Variants in NGFR observed in about 807,000 individuals in gnomAD.
NGFR encodes nerve growth factor receptor, also known as tumor necrosis factor receptor superfamily member 16.
NGFR carries 30 observed loss-of-function variants against 43.2 expected under a neutral mutation model. The observed-to-expected ratio is 0.69, with a 90% confidence interval of 0.52 to 0.94. NGFR has a LOEUF of 0.94. Among genes scored for constraint, NGFR ranks in the 40% least tolerant of loss-of-function variants. The pLI is 0.00. For synonymous variants in NGFR, 246 were observed against 259.6 expected, an observed-to-expected ratio of 0.95 and a Z score of 0.50; for missense variants, 529 against 602.5, an observed-to-expected ratio of 0.88 and a Z score of 1.28.
intron 1 of NGFR, chr17:49,497,211 C>G (rs1419956794): frequency 6.6e-6 from 1 of 152,290 alleles, no homozygotes; most frequent in East Asian, 1.9e-4. Context: ...GGCGGTAGAG[C>G]CTGCGGGTGA....
chr17:49,498,410 A>G (rs1246146080), intron 1 of NGFR, among the ~76,000 whole-genome samples: 1 of 152,172 alleles, frequency 6.6e-6, no homozygotes, highest in Non-Finnish European at 1.5e-5. Context: ...GGTATGTGCC[A>G]GTGCCTCCCC....
intron 3 of NGFR, among the ~76,000 whole-genome samples, chr17:49,509,682 A>G (rs1191179946): frequency 6.6e-6 from 1 of 152,142 alleles, no homozygotes; most frequent in East Asian, 1.9e-4. Flanking sequence ...GGGCTACCTG[A>G]TGCTGTCATC....
At chr17:49,504,087 A>G (rs8071230) in intron 2 of NGFR, among the ~76,000 whole-genome samples, 6,468 of 152,078 alleles carry the variant, frequency 0.043, 470 homozygotes, top group African/African-American at 0.15. Flanking sequence ...TGCCTTTACA[A>G]GCCCACTTTA....
chr17:49,510,836 G>GA (rs2071227251), intron 4 of NGFR, 172 bp downstream of exon 4: 1 of 754,352 alleles, frequency 1.3e-6, no homozygotes, highest in East Asian at 2.7e-5. Flanking sequence ...AGCAGGAGGT[G>GA]AGGGGAGAGG....
rs2071228851 is a variant in NGFR, at chr17:49,511,005, C to G, written c.821+341C>G. On this transcript the variant is annotated intron_variant, in intron 4 of 5. Coordinates refer to ENST00000172229, the MANE Select transcript of NGFR (RefSeq NM_002507.4). Reference sequence around the variant, plus strand: ...CACCTGCGTGTGCATATGTCTCTTCCCCTTCGCTTGTCACACTGGGAATGC... The same window carrying G: ...CACCTGCGTGTGCATATGTCTCTTCGCCTTCGCTTGTCACACTGGGAATGC... The G allele has an allele frequency of 1.3e-5, 3 of 236,786 alleles. No homozygotes were observed. The South Asian group carries it at 3.1e-4, about 25-fold the overall frequency. The allele number at this position is 236,786 out of a possible 1,614,324, so 14.7% of individuals were successfully genotyped here. A position where few individuals can be genotyped will look rare whatever the true frequency, so the allele number is the denominator to read the frequency against.
intron 4 of NGFR, 102 bp downstream of exon 4, chr17:49,510,766 C>T (rs2071226667): frequency 3.4e-6 from 5 of 1,453,746 alleles, no homozygotes; most frequent in East Asian, 2.3e-5. Context: ...TTTAACTCAA[C>T]CCCAAACCAA....
At chr17:49,501,921 G>A (rs1037453691) in intron 1 of NGFR, 142 bp from the exon 2 acceptor site, 28 of 725,634 alleles carry the variant, frequency 3.9e-5, no homozygotes, top group South Asian at 5.9e-5. Flanking sequence ...TGTTCCTAAC[G>A]CCTCCCTGGT....
intron 3 of NGFR, among the ~76,000 whole-genome samples, chr17:49,509,491 A>G (rs1320387494): frequency 6.6e-6 from 1 of 151,894 alleles, no homozygotes; most frequent in East Asian, 1.9e-4. Flanking sequence ...GGAAAATCCC[A>G]CCCACTGGTG....
chr17:49,499,987 C>G (rs116047224), intron 1 of NGFR, among the ~76,000 whole-genome samples: 1 of 150,868 alleles, frequency 6.6e-6, no homozygotes, highest in East Asian at 1.9e-4. Flanking sequence ...TCAGGTCACA[C>G]TCTGGTAGCA....
chr17:49,506,338 G>A lies in NGFR; in HGVS notation c.248G>A (p.Cys83Tyr). ...FSDVVSATEP[C>Y]KPCTECVGLQ... is the part of the protein sequence containing the mutation. The stretch of plus-strand genomic sequence containing the variant: ...GACGTGGTGAGCGCGACCGAGCCGT[G>A]CAAGCCGTGCACCGAGTGCGTGGGG... The change falls in exon 3 of 6, where the codon TGC becomes TAC. Residue 83 changes from cysteine (C) to tyrosine (Y), a missense_variant. Coordinates refer to ENST00000172229, the MANE Select transcript of NGFR (RefSeq NM_002507.4). 1 of 1,584,364 alleles carries A rather than the reference G, an allele frequency of 6.3e-7. No homozygotes were observed. Among genetic ancestry groups the A allele is most frequent in the Non-Finnish European group, 8.6e-7 (1 of 1,166,658 alleles).
intron 1 of NGFR, 64 bp from the exon 2 acceptor site, chr17:49,501,999 A>AAGGGGCCCCCCCCCCCCCCCCCCC: frequency 3.0e-6 from 1 of 330,984 alleles, no homozygotes; most frequent in East Asian, 6.4e-5. Flanking sequence ...TCCCCGGAAG[A>AAGGGGCCCCCCCCCCCCCCCCCCC]ACCCCCCCCA....
intron 2 of NGFR, among the ~76,000 whole-genome samples, chr17:49,504,037 CCT>C (rs890841227): frequency 2.6e-4 from 40 of 152,236 alleles, no homozygotes; most frequent in Admixed American, 2.5e-3. Context: ...CCCCTCCTTC[CCT>C]GTCTCCCCCT....
Position 49,495,435 on chromosome 17 carries a change from C to T in NGFR, c.18C>T (p.Thr6=). MGAGA[T]GRAMDGPRLL... is the part of the protein sequence containing the mutation. ...GGCGGGCGATGGGGGCAGGTGCCAC[C>T]GGCCGCGCCATGGACGGGCCGCGCC... Residue 6 remains threonine (T), a synonymous_variant, in exon 1 of 6, where the codon ACC becomes ACT. Coordinates refer to ENST00000172229, the MANE Select transcript of NGFR (RefSeq NM_002507.4). The surrounding 1 kb of genome is among the most constrained non-coding windows in gnomAD (Gnocchi z 6.4). 1.6e-6 allele frequency: 2 copies of T among 1,235,868 alleles called. No individual in the cohort carries two copies. Among genetic ancestry groups the T allele is most frequent in the Non-Finnish European group, 2.0e-6 (2 of 988,844 alleles). 76.6% of individuals were successfully genotyped at this position (1,235,868 alleles called of 1,614,324 possible).
At chr17:49,508,040 T>G (rs1372871701) in intron 3 of NGFR, among the ~76,000 whole-genome samples, 1 of 152,214 alleles carries the variant, frequency 6.6e-6, no homozygotes, top group Non-Finnish European at 1.5e-5. Flanking sequence ...TGGGGAGGGC[T>G]GTTACGCTGG....
chr17:49,513,010 G>C lies in NGFR; in HGVS notation c.*1G>C. 6.5e-7 allele frequency: 1 copy of C among 1,540,224 alleles called. No individual in the cohort carries two copies. The highest frequency in any genetic ancestry group is 1.4e-5 in the African/African-American group (1 of 73,594). On this transcript the variant is annotated 3_prime_UTR_variant, in exon 6 of 6. Coordinates refer to ENST00000172229, the MANE Select transcript of NGFR (RefSeq NM_002507.4). ...GTCCACTGCCACATCCCCGGTGTGAGCCCAACCGGGGAGCCCCCGCCCCGC... is the reference window on the plus strand; with the variant it reads ...GTCCACTGCCACATCCCCGGTGTGACCCCAACCGGGGAGCCCCCGCCCCGC...
At chr17:49,510,317 CA>C in intron 3 of NGFR, 94 bp from the exon 4 acceptor site, 1 of 1,539,368 alleles carries the variant, frequency 6.5e-7, no homozygotes. Flanking sequence ...CACCTGGAGC[CA>C]GGGCGGGGAC....
At chr17:49,502,633 T>C (rs949810244) in intron 2 of NGFR, among the ~76,000 whole-genome samples, 3 of 152,126 alleles carry the variant, frequency 2.0e-5, no homozygotes, top group Non-Finnish European at 4.4e-5. Flanking sequence ...AAGGCTGACC[T>C]TGGGGGATCC....
chr17:49,504,777 T>C (rs113885927), intron 2 of NGFR, among the ~76,000 whole-genome samples: 6,025 of 137,374 alleles, frequency 0.044, 164 homozygotes, highest in Non-Finnish European at 0.07. Context: ...TTCTTTTTTT[T>C]TTTTTTTTTT....
chr17:49,498,858 C>T (rs2071152661), intron 1 of NGFR, among the ~76,000 whole-genome samples: 1 of 152,084 alleles, frequency 6.6e-6, no homozygotes, highest in African/African-American at 2.4e-5. Context: ...TGTTAGTCAC[C>T]CCTCCCTACT....
Sources: gnomAD v4.1 joint callset for allele counts (sites outside exome capture counted in the v4.1 genomes callset) on GRCh38, gnomAD v4.1.1 for gene constraint, Gnocchi (gnomAD v3.1) non-coding constraint, MANE v1.5 for transcripts, NCBI Gene and HGNC (gene_info 2026-07-23, HGNC 2026-07-21) for gene names.